RTTN: variants seen among roughly 807,000 people sequenced by gnomAD.
RTTN encodes rotatin.
RTTN carries 182 observed loss-of-function variants against 269.2 expected under a neutral mutation model. The observed-to-expected ratio is 0.68, with a 90% confidence interval of 0.60 to 0.76. RTTN has a LOEUF of 0.76. Ranked by LOEUF, RTTN falls within the 30% of genes least tolerant of loss-of-function variation. The pLI is 0.00. For synonymous variants in RTTN, 1,006 were observed against 963.5 expected (o/e 1.04, Z -0.82); for missense variants, 2,545 against 2,608.6 (o/e 0.98, Z 0.53).
At chr18:70,195,263 G>A (rs1022870416) in intron 7 of RTTN, among the ~76,000 whole-genome samples, 7 of 152,120 alleles carry the variant, frequency 4.6e-5, no homozygotes, top group African/African-American at 1.2e-4. Flanking sequence ...GCAGCTCTTC[G>A]AGTGACGATT....
chr18:70,096,666 G>A (rs1414738100), intron 28 of RTTN, among the ~76,000 whole-genome samples: 1 of 152,140 alleles, frequency 6.6e-6, no homozygotes, highest in African/African-American at 2.4e-5. Flanking sequence ...TCCTTACTCT[G>A]GAAGCTTCGT....
At chr18:70,085,484 A>G (rs1488906178) in intron 32 of RTTN, among the ~76,000 whole-genome samples, 5 of 152,152 alleles carry the variant, frequency 3.3e-5, no homozygotes, top group Admixed American at 2.0e-4. Context: ...AACTCCTCTA[A>G]GAGTATAGTC....
chr18:70,004,588 A>G (rs2056123294), intron 48 of RTTN, among the ~76,000 whole-genome samples: 2 of 152,096 alleles, frequency 1.3e-5, no homozygotes, highest in Admixed American at 1.3e-4. Context: ...TCATGGTCGC[A>G]GCTAAAACAA....
At chr18:70,041,815 G>A (rs549821517) in intron 40 of RTTN, among the ~76,000 whole-genome samples, 5 of 151,960 alleles carry the variant, frequency 3.3e-5, no homozygotes, top group East Asian at 1.9e-4. Flanking sequence ...CTCAGCTGTC[G>A]TCTCCTACTT....
At chr18:70,151,440 T>C (rs560479088) in intron 14 of RTTN, among the ~76,000 whole-genome samples, 2 of 152,044 alleles carry the variant, frequency 1.3e-5, no homozygotes, top group Non-Finnish European at 2.9e-5. Context: ...TAATGGAATT[T>C]AAATACAATA....
intron 28 of RTTN, among the ~76,000 whole-genome samples, chr18:70,104,492 C>G (rs375408322): frequency 6.6e-6 from 1 of 152,210 alleles, no homozygotes; most frequent in Non-Finnish European, 1.5e-5. Flanking sequence ...CTTCTTCTCT[C>G]AACTCGTCAA....
chr18:70,146,310 G>C (rs998819211), intron 17 of RTTN, among the ~76,000 whole-genome samples: 2 of 152,146 alleles, frequency 1.3e-5, no homozygotes, highest in Admixed American at 6.5e-5. Context: ...GAAGGGATTA[G>C]GAATAAGGTC....
chr18:70,102,585 T>C (rs2059199323), intron 28 of RTTN, among the ~76,000 whole-genome samples: 1 of 152,200 alleles, frequency 6.6e-6, no homozygotes, highest in Non-Finnish European at 1.5e-5. Flanking sequence ...AAGGTTAATA[T>C]TGTTATGTGT....
At chr18:70,185,762 G>A (rs1256694131) in intron 10 of RTTN, among the ~76,000 whole-genome samples, 3 of 151,814 alleles carry the variant, frequency 2.0e-5, no homozygotes, top group African/African-American at 4.8e-5. Context: ...AAAATCCTAA[G>A]GGATCTACCA....
In RTTN at chr18:70,205,652, G is replaced by A. The variant is rs886521761; in HGVS notation, c.7C>T (p.Leu3=). 2.5e-6 allele frequency: 4 copies of A among 1,614,016 alleles called. No homozygotes were observed. Among genetic ancestry groups the A allele is most frequent in the African/African-American group, 1.3e-5 (1 of 74,916 alleles). ...CCGAGTTTCCTGATGAGCCCTGCCA[G>A]GACCATCTCGTCCCGTCAATCTGCA... The part of the protein sequence containing the change: MV[L]AGLIRKLGHQ... The change falls in exon 1 of 49, where the codon CTG becomes TTG. Residue 3 remains leucine (L), a synonymous_variant. Transcript: ENST00000640769.
Position 70,051,426 on chromosome 18 carries a change from A to G in RTTN, c.5308T>C (p.Trp1770Arg), listed in dbSNP as rs1185915827. Reference sequence around the variant, plus strand: ...ATCTTCTTACCAATCGCCGCTGTCCAGTGCTTGGCCAGGGCCACGGTAACA... The same window carrying G: ...ATCTTCTTACCAATCGCCGCTGTCCGGTGCTTGGCCAGGGCCACGGTAACA... ...PFVTVALAKHWTAAIDMFCTC... is the reference protein window; with the variant it reads ...PFVTVALAKHRTAAIDMFCTC... The change falls in exon 39 of 49, where the codon TGG becomes CGG. Residue 1770 changes from tryptophan to arginine, a missense_variant. Coordinates refer to ENST00000640769, the MANE Select transcript of RTTN (RefSeq NM_173630.4). 3 of 1,612,682 alleles carry G rather than the reference A, an allele frequency of 1.9e-6. No individual in the cohort carries two copies. In the African/African-American group the frequency reaches 4.0e-5, roughly 22 times the overall value.
intron 10 of RTTN, among the ~76,000 whole-genome samples, chr18:70,179,286 C>T (rs1200028126): frequency 2.0e-5 from 3 of 152,176 alleles, no homozygotes; most frequent in East Asian, 1.9e-4. Context: ...TACAGTATTT[C>T]TCCATGAAAA....
At chr18:70,149,517 TA>T (rs1488568389) in intron 16 of RTTN, among the ~76,000 whole-genome samples, 1 of 143,510 alleles carries the variant, frequency 7.0e-6, no homozygotes, top group Non-Finnish European at 1.5e-5. Flanking sequence ...CTGACTCCTT[TA>T]ATGTCCAGAA....
At chr18:70,174,621 T>C (rs1389657787) in intron 11 of RTTN, among the ~76,000 whole-genome samples, 9 of 151,514 alleles carry the variant, frequency 5.9e-5, no homozygotes, top group East Asian at 3.9e-4. Context: ...GTGGAAATCA[T>C]AGAACATCTT....
intron 14 of RTTN, among the ~76,000 whole-genome samples, chr18:70,161,173 G>A (rs764356747): frequency 1.3e-5 from 2 of 152,134 alleles, no homozygotes; most frequent in Non-Finnish European, 2.9e-5. Context: ...GAACAGGTTA[G>A]AGAACACAAA....
At chr18:70,088,410 G>A (rs955379966) in intron 30 of RTTN, among the ~76,000 whole-genome samples, 2 of 152,130 alleles carry the variant, frequency 1.3e-5, no homozygotes, top group Admixed American at 6.5e-5. Context: ...TAGTTTGCAA[G>A]CCTTTTTCTA....
intron 14 of RTTN, among the ~76,000 whole-genome samples, chr18:70,157,771 TG>T: frequency 6.6e-6 from 1 of 152,158 alleles, no homozygotes; most frequent in African/African-American, 2.4e-5. Context: ...AGAACAAAAC[TG>T]AACTTCTGGA....
intron 24 of RTTN, 47 bp downstream of exon 24, chr18:70,128,311 A>G: frequency 7.0e-7 from 1 of 1,437,900 alleles, no homozygotes. Context: ...CTAATTAATT[A>G]CAATTAATTA....
intron 25 of RTTN, among the ~76,000 whole-genome samples, chr18:70,124,349 T>TA (rs1331061999): frequency 2.6e-5 from 4 of 151,956 alleles, no homozygotes; most frequent in African/African-American, 9.7e-5. Flanking sequence ...ATGTGAGGGA[T>TA]ATAAAAAGGA....
Sources: gnomAD v4.1 joint callset for allele counts (sites outside exome capture counted in the v4.1 genomes callset) on GRCh38, gnomAD v4.1.1 for gene constraint, MANE v1.5 for transcripts, NCBI Gene and HGNC (gene_info 2026-07-23, HGNC 2026-07-21) for gene names.